Variants in SLC35F4 observed in about 807,000 individuals in gnomAD.
SLC35F4 encodes chromosome 14 open reading frame 36.
A neutral mutation model predicts 44.2 loss-of-function variants in SLC35F4; 24 were observed. The observed-to-expected ratio is 0.54, with a 90% CI of 0.39 to 0.76. The LOEUF (loss-of-function observed/expected upper bound fraction) is 0.76. Among genes scored for constraint, SLC35F4 ranks in the 30% least tolerant of loss-of-function variants. SLC35F4 has a pLI of 0.00. For missense variants in SLC35F4, 562 were observed against 586.1 expected (o/e 0.96, Z 0.42); for synonymous variants, 238 against 223.6 (o/e 1.06, Z -0.57).
At chr14:57,791,457 G>A (rs1020073497) in intron 1 of SLC35F4, among the ~76,000 whole-genome samples, 3 of 152,082 alleles carry the variant, frequency 2.0e-5, no homozygotes, top group East Asian at 1.9e-4. Context: ...TTAGAATGGC[G>A]ATCATTAAAA....
At chr14:57,675,442 G>C (rs1015000001) in intron 1 of SLC35F4, among the ~76,000 whole-genome samples, 2 of 152,008 alleles carry the variant, frequency 1.3e-5, no homozygotes, top group African/African-American at 4.8e-5. Flanking sequence ...CCAGGTATAT[G>C]ATAATATCAC....
At chr14:57,590,981 A>G (rs541328473) in intron 2 of SLC35F4, among the ~76,000 whole-genome samples, 1 of 152,376 alleles carries the variant, frequency 6.6e-6, no homozygotes, top group African/African-American at 2.4e-5. Flanking sequence ...GAGCCTTGAA[A>G]GTGAATTCTC....
rs148004408 is a variant in SLC35F4, at chr14:57,580,717, T to C, written c.807+497A>G. ...ATTTCTGCATTAGTCACACTAGATATATAGTCACTTTTAACAGCATTGTGC... is the reference window on the plus strand; with the variant it reads ...ATTTCTGCATTAGTCACACTAGATACATAGTCACTTTTAACAGCATTGTGC... On this transcript the variant is annotated intron_variant, in intron 4 of 7. Transcript: ENST00000556826. Among the ~76,000 whole-genome samples the C allele has an allele frequency of 4.6e-4, 70 of 152,240 alleles. 1 individual carries two copies. The highest frequency in any genetic ancestry group is 1.5e-3 in the African/African-American group (63 of 41,546).
chr14:57,894,052 C>T (rs187425925), intron 1 of SLC35F4, among the ~76,000 whole-genome samples: 168 of 152,128 alleles, frequency 1.1e-3, no homozygotes, highest in African/African-American at 3.8e-3. Context: ...GTTACATTAG[C>T]CAATTCGTAG....
chr14:57,924,109 C>T (rs1035782556), intron 1 of SLC35F4, among the ~76,000 whole-genome samples: 1 of 152,234 alleles, frequency 6.6e-6, no homozygotes, highest in African/African-American at 2.4e-5. Context: ...TCCTTGCCTT[C>T]AGCCATGATT....
At chr14:57,759,163 G>T (rs374528325) in intron 1 of SLC35F4, among the ~76,000 whole-genome samples, 2 of 151,972 alleles carry the variant, frequency 1.3e-5, no homozygotes, top group Admixed American at 6.6e-5. Flanking sequence ...TCCCCTCTTG[G>T]CAATGGTGAA....
intron 1 of SLC35F4, among the ~76,000 whole-genome samples, chr14:57,625,378 C>T (rs890777928): frequency 6.6e-6 from 1 of 152,020 alleles, no homozygotes; most frequent in Middle Eastern, 3.2e-3. Context: ...CATACTGCCC[C>T]AAGTAATTTA....
At position 57,661,481 on chromosome 14, in the gene SLC35F4, T is replaced by C. The variant is rs140154245; in HGVS notation, c.104-67357A>G. Among the ~76,000 whole-genome samples, 8 of 152,316 alleles carry C rather than the reference T, an allele frequency of 5.3e-5. No homozygotes were observed. In the East Asian group the frequency reaches 1.5e-3, roughly 29 times the overall value. ...TTGACTTTAGGTTCTACTTCCATCT[T>C]TTATAAACCTTCTAATTTGGTCTTG... On this transcript the variant is annotated intron_variant, in intron 1 of 7. Transcript: ENST00000556826.
chr14:57,852,733 G>A (rs1299877847), intron 1 of SLC35F4, among the ~76,000 whole-genome samples: 2 of 152,170 alleles, frequency 1.3e-5, no homozygotes, highest in Non-Finnish European at 2.9e-5. Context: ...CCAACTCACT[G>A]GATTTGGATC....
At chr14:57,934,737 C>A (rs1049285196) in intron 1 of SLC35F4, among the ~76,000 whole-genome samples, 3 of 152,062 alleles carry the variant, frequency 2.0e-5, no homozygotes, top group African/African-American at 7.2e-5. Context: ...CAACAAATAG[C>A]AGAGCTTTTT....
chr14:57,662,346 T>C (rs1361610446), intron 1 of SLC35F4, among the ~76,000 whole-genome samples: 1 of 152,196 alleles, frequency 6.6e-6, no homozygotes, highest in Non-Finnish European at 1.5e-5. Flanking sequence ...AAAACTTATA[T>C]TGAGGTTTGG....
chr14:57,580,802 A>G (rs2069193175), intron 4 of SLC35F4, among the ~76,000 whole-genome samples: 1 of 152,106 alleles, frequency 6.6e-6, no homozygotes, highest in Non-Finnish European at 1.5e-5. Flanking sequence ...AATATTAATT[A>G]AGTCCATCTG....
intron 1 of SLC35F4, among the ~76,000 whole-genome samples, chr14:57,939,163 G>T (rs1396840197): frequency 6.6e-6 from 1 of 151,990 alleles, no homozygotes; most frequent in Non-Finnish European, 1.5e-5. Context: ...TTCCCAAGCT[G>T]CCCTGGGTTT....
At chr14:57,830,993 A>T (rs1167717564) in intron 1 of SLC35F4, among the ~76,000 whole-genome samples, 2 of 152,196 alleles carry the variant, frequency 1.3e-5, no homozygotes, top group Non-Finnish European at 2.9e-5. Flanking sequence ...AATAGAATGC[A>T]TCCCTGCTCT....
Position 57,805,426 on chromosome 14 carries a change from G to A in SLC35F4, c.103+60297C>T, listed in dbSNP as rs555221909. On this transcript the variant is annotated intron_variant, in intron 1 of 7. Transcript: ENST00000556826. ...AAAATGTGGTACATATACACCATGG[G>A]ATACTATGCAGCCATAGAAAGAAGA... is the stretch of plus-strand genomic sequence containing the variant. Among the ~76,000 whole-genome samples the A allele has an allele frequency of 7.2e-5, 11 of 152,286 alleles. No homozygotes were observed. The South Asian group carries it at 2.3e-3, about 32-fold the overall frequency.
chr14:57,889,896 G>C (rs1260940580), intron 1 of SLC35F4, among the ~76,000 whole-genome samples: 2 of 152,114 alleles, frequency 1.3e-5, no homozygotes, highest in African/African-American at 4.8e-5. Flanking sequence ...CACTACAAGT[G>C]CCAAGCTTCA....
intron 1 of SLC35F4, among the ~76,000 whole-genome samples, chr14:57,725,657 T>C (rs1409064047): frequency 6.6e-6 from 1 of 152,216 alleles, no homozygotes; most frequent in Non-Finnish European, 1.5e-5. Flanking sequence ...CCCATCATCC[T>C]GAAGCAGCTG....
Position 57,566,512 on chromosome 14 carries a change from G to GCAC in SLC35F4, c.1178_1179insGTG (p.Ile393delinsMetCys). ...GAACGCTGAGCACTGTCCCAATGGAGATTAGGATTGGGTATGTCAGCACCA... is the reference window on the plus strand; with the variant it reads ...GAACGCTGAGCACTGTCCCAATGGAGCACATTAGGATTGGGTATGTCAGCACCA... On this transcript the variant is annotated protein_altering_variant, in exon 7 of 8. Coordinates refer to ENST00000556826, the MANE Select transcript of SLC35F4 (RefSeq NM_001306087.2). The GCAC allele has an allele frequency of 6.2e-7, 1 of 1,601,612 alleles. No homozygotes were observed. Among genetic ancestry groups the GCAC allele is most frequent in the Non-Finnish European group, 8.5e-7 (1 of 1,174,212 alleles).
At chr14:57,876,885 T>G (rs1032683861) in intron 1 of SLC35F4, among the ~76,000 whole-genome samples, 17 of 152,182 alleles carry the variant, frequency 1.1e-4, no homozygotes. Context: ...TGTAAATGAT[T>G]ATTCCTAATG....
Sources: gnomAD v4.1 joint callset for allele counts (sites outside exome capture counted in the v4.1 genomes callset) on GRCh38, gnomAD v4.1.1 for gene constraint, MANE v1.5 for transcripts, NCBI Gene and HGNC (gene_info 2026-07-23, HGNC 2026-07-21) for gene names.